The following ADAM19 variants were observed in gnomAD, a reference collection of about 807,000 sequenced individuals.
ADAM19 encodes ADAM metallopeptidase domain 19.
Under a neutral mutation model 114.7 loss-of-function variants are expected in ADAM19, and 65 were observed. That is an observed-to-expected ratio of 0.57 (90% CI 0.46 to 0.70). ADAM19 has a LOEUF of 0.70. ADAM19 is among the 30% of genes least tolerant of loss of function. The pLI is 0.00. For missense variants in ADAM19, 1,063 were observed against 1,204.7 expected (o/e 0.88, Z 1.74); for synonymous variants, 466 against 460.5 (o/e 1.01, Z -0.15).
chr5:157,526,784 C>T (rs577884850), intron 5 of ADAM19, among the ~76,000 whole-genome samples: 1 of 152,218 alleles, frequency 6.6e-6, no homozygotes, highest in Non-Finnish European at 1.5e-5. Flanking sequence ...CCACACATGG[C>T]TAATTTTTAA....
At chr5:157,522,273 G>A (rs1756317172) in intron 5 of ADAM19, among the ~76,000 whole-genome samples, 1 of 150,154 alleles carries the variant, frequency 6.7e-6, no homozygotes, top group Non-Finnish European at 1.5e-5. Flanking sequence ...GTAAGAGTAA[G>A]AGTAGGGATT....
At chr5:157,502,623 A>T (rs1190563536) in intron 12 of ADAM19, among the ~76,000 whole-genome samples, 180 bp downstream of exon 12, 1 of 152,228 alleles carries the variant, frequency 6.6e-6, no homozygotes, top group Non-Finnish European at 1.5e-5. Flanking sequence ...AAACTAGCAG[A>T]GGCGGCACAA....
chr5:157,488,101 G>A (rs1017582013), intron 21 of ADAM19, among the ~76,000 whole-genome samples, 164 bp downstream of exon 21: 14 of 152,162 alleles, frequency 9.2e-5, no homozygotes, highest in African/African-American at 1.4e-4. Flanking sequence ...ATTTCCCCAC[G>A]TTCGTTGCTC....
chr5:157,513,899 A>G (rs1756011831), intron 7 of ADAM19, among the ~76,000 whole-genome samples: 1 of 152,198 alleles, frequency 6.6e-6, no homozygotes, highest in East Asian at 1.9e-4. Flanking sequence ...CCACCATTAC[A>G]CAGATCTCAC....
chr5:157,499,597 G>A lies in ADAM19; in HGVS notation c.1374C>T (p.His458=), dbSNP rs114344861. ...CTLRPGAECA[H]GSCCHQCKLL... is the part of the protein sequence containing the mutation. ...CCTTACACTGGTGGCAGCAGGAGCC[G>A]TGAGCACACTCCGCCCCCGGCCTCA... Residue 458 remains histidine (H), a synonymous_variant, in exon 13 of 23, where the codon CAC becomes CAT. Transcript: ENST00000257527. 5.3e-3 allele frequency: 8,619 copies of A among 1,613,412 alleles called. 68 individuals carry two copies. Among genetic ancestry groups the A allele is most frequent in the Non-Finnish European group, 5.1e-3 (6,020 of 1,179,852 alleles).
intron 1 of ADAM19, among the ~76,000 whole-genome samples, chr5:157,573,002 C>A (rs1334747470): frequency 6.6e-6 from 1 of 152,082 alleles, no homozygotes; most frequent in South Asian, 2.1e-4. Context: ...CCAGTGCACT[C>A]CAGCCTGAGT....
chr5:157,485,661 C>T (rs1754909012), intron 21 of ADAM19, among the ~76,000 whole-genome samples: 1 of 152,186 alleles, frequency 6.6e-6, no homozygotes, highest in Non-Finnish European at 1.5e-5. Context: ...CTTTAAGTTC[C>T]TTCAATCCAC....
intron 14 of ADAM19, among the ~76,000 whole-genome samples, chr5:157,495,982 G>A (rs975868919): frequency 1.7e-4 from 21 of 124,308 alleles, no homozygotes; most frequent in East Asian, 2.4e-4. Context: ...TCCCTCTGTC[G>A]CTTGGGCTGG....
At chr5:157,532,420 C>A (rs1448999060) in intron 4 of ADAM19, among the ~76,000 whole-genome samples, 4 of 152,200 alleles carry the variant, frequency 2.6e-5, no homozygotes, top group Admixed American at 6.5e-5. Flanking sequence ...ATTTAGGAAG[C>A]AAATACGCAC....
Position 157,480,886 on chromosome 5 carries a change from T to C in ADAM19, c.*63A>G, listed in dbSNP as rs11466811. On this transcript the variant is annotated 3_prime_UTR_variant, in exon 23 of 23. Transcript: ENST00000257527. The stretch of plus-strand genomic sequence containing the variant: ...CCAGACATGCTTCTTCAGGGTTCCA[T>C]GGCCATGGGTCCTCTGCAGTGTCCA... The C allele has an allele frequency of 3.7e-6, 6 of 1,611,092 alleles. No individual in the cohort carries two copies. Among genetic ancestry groups the C allele is most frequent in the African/African-American group, 2.7e-5 (2 of 74,918 alleles).
rs1364512528 is a variant in ADAM19, at chr5:157,497,087, C to T, written c.1401G>A (p.Leu467=). 1.3e-5 allele frequency: 20 copies of T among 1,514,580 alleles called. No homozygotes were observed. Among genetic ancestry groups the T allele is most frequent in the Non-Finnish European group, 1.8e-5 (20 of 1,138,342 alleles). 93.8% of individuals were successfully genotyped at this position (1,514,580 alleles called of 1,614,324 possible). A position where few individuals can be genotyped will look rare whatever the true frequency, so the allele number is the denominator to read the frequency against. ...AHGSCCHQCK[L]LAPGTLCREQ... The stretch of plus-strand genomic sequence containing the variant: ...CGCGGCACAGGGTCCCAGGAGCCAA[C>T]AGCTGAGCCAAGGAATGAGAGGAAA... The change falls in exon 14 of 23, where the codon CTG becomes CTA. Residue 467 remains leucine, a splice_region_variant and synonymous_variant. Transcript: ENST00000257527.
At chr5:157,499,236 G>A (rs892743587) in intron 13 of ADAM19, among the ~76,000 whole-genome samples, 1 of 151,866 alleles carries the variant, frequency 6.6e-6, no homozygotes, top group Non-Finnish European at 1.5e-5. Flanking sequence ...TCTACTAAGA[G>A]GTCCATTAAT....
chr5:157,536,012 A>G (rs1397337097), intron 4 of ADAM19, among the ~76,000 whole-genome samples: 1 of 152,248 alleles, frequency 6.6e-6, no homozygotes, highest in African/African-American at 2.4e-5. Context: ...ATTGAAGAAT[A>G]TGAAGTCACA....
At chr5:157,514,398 C>T (rs1164551467) in intron 7 of ADAM19, among the ~76,000 whole-genome samples, 2 of 149,988 alleles carry the variant, frequency 1.3e-5, no homozygotes, top group East Asian at 1.9e-4. Context: ...GGCGTGATCT[C>T]GGCTTACAAC....
At chr5:157,564,830 T>G (rs916204305) in intron 2 of ADAM19, among the ~76,000 whole-genome samples, 4 of 152,130 alleles carry the variant, frequency 2.6e-5, no homozygotes, top group Admixed American at 6.5e-5. Flanking sequence ...TCCCCACATC[T>G]CAGTTTCTTC....
At chr5:157,503,061 G>C in intron 11 of ADAM19, 81 bp from the exon 12 acceptor site, 1 of 1,375,024 alleles carries the variant, frequency 7.3e-7, no homozygotes, top group Non-Finnish European at 1.0e-6. Flanking sequence ...TGTCACTCCT[G>C]CTACCCGTGG....
At chr5:157,511,783 G>A (rs928626469) in intron 8 of ADAM19, among the ~76,000 whole-genome samples, 1 of 152,168 alleles carries the variant, frequency 6.6e-6, no homozygotes, top group African/African-American at 2.4e-5. Context: ...AGAAGTGGGC[G>A]TGGCTTCCCT....
intron 5 of ADAM19, among the ~76,000 whole-genome samples, chr5:157,524,249 C>G (rs994509661): frequency 1.3e-5 from 2 of 152,248 alleles, no homozygotes; most frequent in African/African-American, 4.8e-5. Flanking sequence ...AATGTTAGCC[C>G]TGGCAAAGGC....
intron 3 of ADAM19, among the ~76,000 whole-genome samples, chr5:157,544,205 G>A (rs1022827561): frequency 6.6e-6 from 1 of 152,226 alleles, no homozygotes; most frequent in Admixed American, 6.5e-5. Flanking sequence ...CCTTGAATAA[G>A]CACCATCGTT....
Sources: allele counts gnomAD v4.1 joint callset (sites outside exome capture counted in the v4.1 genomes callset), GRCh38; gene constraint gnomAD v4.1.1; transcripts MANE v1.5; gene names NCBI Gene and HGNC (gene_info 2026-07-23, HGNC 2026-07-21).